Variants in ZNF516 observed in about 807,000 individuals in gnomAD.
The protein encoded by ZNF516 is zinc finger protein 516.
Under a neutral mutation model 79.7 loss-of-function variants are expected in ZNF516, and 19 were observed. The ratio of observed to expected loss-of-function variants is 0.24; its 90% CI spans 0.17 to 0.35. The LOEUF is 0.35. Among genes scored for constraint, ZNF516 ranks in the 10% least tolerant of loss-of-function variants. The probability of loss-of-function intolerance (pLI) is 1.00; values close to 1 mark genes in which losing one functional copy is unlikely to be tolerated. For missense variants in ZNF516, 1,678 were observed against 1,679.5 expected (o/e 1.00, Z 0.02); for synonymous variants, 877 against 739.5 (o/e 1.19, Z -3.02).
chr18:76,426,104 TGAA>T (rs763518663), intron 3 of ZNF516, among the ~76,000 whole-genome samples: 171 of 152,370 alleles, frequency 1.1e-3, no homozygotes, highest in Admixed American at 2.9e-3. Context: ...TGAAACAGAA[TGAA>T]GGTGATTTCT....
chr18:76,464,002 G>C (rs1054472497), intron 1 of ZNF516, among the ~76,000 whole-genome samples: 5 of 151,988 alleles, frequency 3.3e-5, no homozygotes, highest in Admixed American at 3.3e-4. Flanking sequence ...ACGGCACCAC[G>C]CCATGTTTCT....
At chr18:76,492,500 A>G (rs1915291294) in intron 1 of ZNF516, 1 of 434,626 alleles carries the variant, frequency 2.3e-6, no homozygotes, top group African/African-American at 2.1e-5. Flanking sequence ...GGGACTAGGC[A>G]TCAACTCCCA....
intron 3 of ZNF516, among the ~76,000 whole-genome samples, chr18:76,431,585 A>T (rs923843782): frequency 7.9e-5 from 12 of 152,220 alleles, no homozygotes; most frequent in Admixed American, 7.2e-4. Flanking sequence ...TGTCTGGGCC[A>T]TGGGGATGGG....
intron 1 of ZNF516, among the ~76,000 whole-genome samples, chr18:76,465,617 C>T (rs1189382680): frequency 1.3e-5 from 2 of 152,206 alleles, no homozygotes; most frequent in African/African-American, 4.8e-5. Flanking sequence ...GTTTACAAGA[C>T]CAACCCCTGA....
At chr18:76,395,383 T>C (rs1471938601) in intron 3 of ZNF516, among the ~76,000 whole-genome samples, 1 of 152,124 alleles carries the variant, frequency 6.6e-6, no homozygotes, top group Non-Finnish European at 1.5e-5. Context: ...TCAACAAATA[T>C]GCATTTATGG....
At position 76,447,575 on chromosome 18, in the gene ZNF516, C is replaced by T. The variant is rs1304103797; in HGVS notation, c.-157-4364G>A. Among the ~76,000 whole-genome samples, 4 of 152,188 alleles carry T rather than the reference C, an allele frequency of 2.6e-5. No individual in the cohort carries two copies. The East Asian group carries it at 7.7e-4, about 29-fold the overall frequency. Reference sequence around the variant, plus strand: ...GTGCATGTGAGCCTGCCACCCAAACCACAGGGAATACGGAAAGGTTCTGCA... The same window carrying T: ...GTGCATGTGAGCCTGCCACCCAAACTACAGGGAATACGGAAAGGTTCTGCA... On this transcript the variant is annotated intron_variant, in intron 2 of 6. Coordinates refer to ENST00000443185, the MANE Select transcript of ZNF516 (RefSeq NM_014643.4).
Position 76,391,441 on chromosome 18 carries a change from C to A in ZNF516, c.1811-11138G>T, listed in dbSNP as rs965328845. ...TAACCACTAACTCTAACACTATTAA[C>A]CCTAATCCAACTCTAACCCTAACCC... On this transcript the variant is annotated intron_variant, in intron 3 of 6. Coordinates refer to ENST00000443185, the MANE Select transcript of ZNF516 (RefSeq NM_014643.4). Among the ~76,000 whole-genome samples, 4 of 152,126 alleles carry A rather than the reference C, an allele frequency of 2.6e-5. 1 individual carries two copies. The highest frequency in any genetic ancestry group is 4.8e-5 in the African/African-American group (2 of 41,414).
In ZNF516 at chr18:76,370,735, G is replaced by C. The variant is rs117901314; in HGVS notation, c.3365-140C>G. 3 of 658,654 alleles carry C rather than the reference G, an allele frequency of 4.6e-6. No individual in the cohort carries two copies. The African/African-American group carries it at 5.6e-5, about 12-fold the overall frequency. 40.8% of individuals were successfully genotyped at this position (658,654 alleles called of 1,614,324 possible). ...TGTGGCTGGAAAATACCAATTTACCGTAACACTTACAGTAAGAGACTGTGA... is the reference window on the plus strand; with the variant it reads ...TGTGGCTGGAAAATACCAATTTACCCTAACACTTACAGTAAGAGACTGTGA... On this transcript the variant is annotated intron_variant, in intron 5 of 6. Coordinates refer to ENST00000443185, the MANE Select transcript of ZNF516 (RefSeq NM_014643.4).
intron 1 of ZNF516, among the ~76,000 whole-genome samples, chr18:76,470,139 C>A (rs1913739408): frequency 6.6e-6 from 1 of 152,132 alleles, no homozygotes; most frequent in Admixed American, 6.5e-5. Context: ...GATGAGAGAG[C>A]CAGTTTTCAC....
chr18:76,491,493 T>C (rs1305985716), intron 1 of ZNF516, among the ~76,000 whole-genome samples: 1 of 131,024 alleles, frequency 7.6e-6, no homozygotes, highest in Non-Finnish European at 1.7e-5. Context: ...TCCGTCTCTT[T>C]CACTTCTTGG....
At chr18:76,377,384 C>T (rs1335228513) in intron 4 of ZNF516, among the ~76,000 whole-genome samples, 3 of 152,288 alleles carry the variant, frequency 2.0e-5, no homozygotes, top group East Asian at 1.9e-4. Flanking sequence ...TGGAGTAAGG[C>T]CTTTGCCAGC....
At chr18:76,466,014 G>A (rs1031007099) in intron 1 of ZNF516, among the ~76,000 whole-genome samples, 3 of 152,148 alleles carry the variant, frequency 2.0e-5, no homozygotes, top group African/African-American at 7.2e-5. Flanking sequence ...GCTGGGCAAA[G>A]ACACACCATT....
intron 3 of ZNF516, among the ~76,000 whole-genome samples, chr18:76,392,597 GGGGA>G: frequency 6.9e-6 from 1 of 144,958 alleles, no homozygotes; most frequent in African/African-American, 2.7e-5. Context: ...TGGCCGGGTG[GGGGA>G]AGGGCAGGTG....
chr18:76,419,899 GCTC>G (rs1198441633), intron 3 of ZNF516, among the ~76,000 whole-genome samples: 4 of 152,206 alleles, frequency 2.6e-5, no homozygotes, highest in Non-Finnish European at 5.9e-5. Context: ...CATAAACACT[GCTC>G]CTTTTATATT....
intron 4 of ZNF516, chr18:76,378,044 T>C (rs1421553776): frequency 1.3e-5 from 2 of 152,198 alleles, no homozygotes; most frequent in African/African-American, 4.8e-5. Context: ...CGAAGAACGG[T>C]TAGGACTTCC....
In ZNF516 at chr18:76,493,231, T is replaced by C. The variant is rs570284692; in HGVS notation, c.-272+1913A>G. On this transcript the variant is annotated intron_variant, in intron 1 of 6. Transcript: ENST00000443185. The surrounding 1 kb of genome is among the most constrained non-coding windows in gnomAD (Gnocchi z 5.2). ...GCGTCAGACGATATCCATTTAAATATATTTTGTACTTCCACAAAGGATGGA... is the reference window on the plus strand; with the variant it reads ...GCGTCAGACGATATCCATTTAAATACATTTTGTACTTCCACAAAGGATGGA... The C allele has an allele frequency of 7.4e-5, 71 of 958,246 alleles. No individual in the cohort carries two copies. Among genetic ancestry groups the C allele is most frequent in the South Asian group, 6.8e-4 (14 of 20,698 alleles). 59.4% of individuals were successfully genotyped at this position (958,246 alleles called of 1,614,324 possible).
At chr18:76,487,023 T>G (rs911587458) in intron 1 of ZNF516, among the ~76,000 whole-genome samples, 2 of 152,222 alleles carry the variant, frequency 1.3e-5, no homozygotes, top group South Asian at 4.1e-4. Flanking sequence ...TAGTCATCAC[T>G]TAACATATAT....
chr18:76,478,121 T>C (rs1914282078), intron 1 of ZNF516, among the ~76,000 whole-genome samples: 1 of 152,172 alleles, frequency 6.6e-6, no homozygotes, highest in Non-Finnish European at 1.5e-5. Flanking sequence ...TAACTTCTAC[T>C]CCAACAACTA....
At chr18:76,485,566 G>GA (rs1449956143) in intron 1 of ZNF516, among the ~76,000 whole-genome samples, 1 of 152,148 alleles carries the variant, frequency 6.6e-6, no homozygotes, top group Non-Finnish European at 1.5e-5. Flanking sequence ...CTGAGACAAC[G>GA]AGAGAGAGGT....
Sources: allele counts gnomAD v4.1 joint callset (sites outside exome capture counted in the v4.1 genomes callset), GRCh38; gene constraint gnomAD v4.1.1; non-coding constraint Gnocchi (gnomAD v3.1); transcripts MANE v1.5; gene names NCBI Gene and HGNC (gene_info 2026-07-23, HGNC 2026-07-21).